The following WDR91 variants were observed in gnomAD, a reference collection of about 807,000 sequenced individuals.
WDR91 encodes WD repeat domain 91.
WDR91 carries 52 observed loss-of-function variants against 88.4 expected under a neutral mutation model. That is an observed-to-expected ratio of 0.59 (90% CI 0.47 to 0.74). The LOEUF is 0.74. Ranked by LOEUF, WDR91 falls within the 30% of genes least tolerant of loss-of-function variation. The pLI, the probability that WDR91 is intolerant of heterozygous loss-of-function variation, is 0.00. For missense variants in WDR91, 824 were observed against 954.5 expected (o/e 0.86, Z 1.80); for synonymous variants, 362 against 389.5 (o/e 0.93, Z 0.83).
In WDR91 at chr7:135,196,284, C is replaced by A. The variant is rs1258023705; in HGVS notation, c.1104G>T (p.Glu368Asp). The change falls in exon 8 of 15, where the codon GAG becomes GAT. Residue 368 changes from glutamate to aspartate, a missense_variant. Glu to Asp is a conservative substitution (Grantham distance 45). Transcript: ENST00000354475. The surrounding 1 kb of genome is among the most constrained non-coding windows in gnomAD (Gnocchi z 4.2). ...ASGPEAEPCP[E>D]LHTEPVEPLT... is the part of the protein sequence containing the mutation. The stretch of plus-strand genomic sequence containing the variant: ...GTGGCTCCACTGGCTCCGTGTGGAG[C>A]TCTGGGCAGGGCTCAGCCTCTGGGC... The A allele has an allele frequency of 4.8e-5, 77 of 1,608,496 alleles. No individual in the cohort carries two copies. The highest frequency in any genetic ancestry group is 6.5e-5 in the Non-Finnish European group (77 of 1,177,166).
chr7:135,190,010 A>G (rs964090782), intron 11 of WDR91, among the ~76,000 whole-genome samples: 9 of 152,272 alleles, frequency 5.9e-5, no homozygotes, highest in African/African-American at 1.9e-4. Flanking sequence ...GCAAGATAGA[A>G]TGTTATTTAA....
chr7:135,197,775 G>A, intron 7 of WDR91: 1 of 533,712 alleles, frequency 1.9e-6, no homozygotes, highest in South Asian at 3.1e-5. Context: ...GCATTTTCTG[G>A]CCCCTACTTA....
rs993607123 is a variant in WDR91, at chr7:135,185,867, C to A, written c.*284G>T. On this transcript the variant is annotated 3_prime_UTR_variant, in exon 15 of 15. Transcript: ENST00000354475. ...AATTTCTACTGGGCCAACACAGTAG[C>A]CACTGCAATGTTTCTCCTTCTTCCG... 8 of 413,454 alleles carry A rather than the reference C, an allele frequency of 1.9e-5. No individual in the cohort carries two copies. The highest frequency in any genetic ancestry group is 1.7e-4 in the African/African-American group (8 of 48,000). The allele number at this position is 413,454 out of a possible 1,614,324, so 25.6% of individuals were successfully genotyped here. A position where few individuals can be genotyped will look rare whatever the true frequency, so the allele number is the denominator to read the frequency against.
intron 4 of WDR91, among the ~76,000 whole-genome samples, 191 bp from the exon 5 acceptor site, chr7:135,206,249 A>C (rs1371740886): frequency 6.6e-6 from 1 of 152,220 alleles, no homozygotes; most frequent in Non-Finnish European, 1.5e-5. Context: ...CAATGAGGTG[A>C]GAAAACCAAA....
chr7:135,198,974 A>G (rs1192902807), intron 6 of WDR91: 3 of 152,184 alleles, frequency 2.0e-5, no homozygotes, highest in Non-Finnish European at 2.9e-5. Context: ...TGTGATGGCC[A>G]AACACCCTCA....
At chr7:135,197,217 T>G (rs1831407467) in intron 7 of WDR91, 1 of 152,196 alleles carries the variant, frequency 6.6e-6, no homozygotes, top group Non-Finnish European at 1.5e-5. Context: ...AAGTGCATCT[T>G]GAATCCTGAA....
Position 135,195,101 on chromosome 7 carries a change from G to C in WDR91, c.1245-17C>G. ...CAGTCCACTCTGAGATGAGAGAAAAGGGAGGCCTGTCAGCTGGCCTCTCAG... is the reference window on the plus strand; with the variant it reads ...CAGTCCACTCTGAGATGAGAGAAAACGGAGGCCTGTCAGCTGGCCTCTCAG... On this transcript the variant is annotated splice_polypyrimidine_tract_variant and intron_variant, in intron 8 of 14. Coordinates refer to ENST00000354475, the MANE Select transcript of WDR91 (RefSeq NM_014149.4). 1 of 1,608,630 alleles carries C rather than the reference G, an allele frequency of 6.2e-7. No individual in the cohort carries two copies. The highest frequency in any genetic ancestry group is 2.2e-5 in the East Asian group (1 of 44,780).
chr7:135,187,716 TAGCCTACCCTACGGAC>T (rs1243162400), intron 13 of WDR91, among the ~76,000 whole-genome samples: 1 of 152,196 alleles, frequency 6.6e-6, no homozygotes, highest in Non-Finnish European at 1.5e-5. Flanking sequence ...CATCATCCCT[TAGCCTACCCTACGGAC>T]AGGATACTTG....
chr7:135,193,199 G>T, intron 11 of WDR91, 32 bp downstream of exon 11: 1 of 1,609,248 alleles, frequency 6.2e-7, no homozygotes, highest in Non-Finnish European at 8.5e-7. Context: ...TGTGTGCCTG[G>T]CCCCAGAGAG....
At chr7:135,205,159 C>T (rs569521900) in intron 5 of WDR91, among the ~76,000 whole-genome samples, 36 of 152,234 alleles carry the variant, frequency 2.4e-4, no homozygotes, top group African/African-American at 8.4e-4. Flanking sequence ...CTGGCTGTTT[C>T]TGAAGGTCAA....
rs140576013 is a variant in WDR91 at position 135,211,415 on chromosome 7, C to A, written c.88G>T (p.Ala30Ser). 7,860 of 1,612,034 alleles carry A rather than the reference C, an allele frequency of 4.9e-3. 25 individuals carry two copies. Among genetic ancestry groups the A allele is most frequent in the Middle Eastern group, 6.1e-3 (37 of 6,058 alleles). ...TTCTCCTTGTCCGCCTTGATCTCGG[C>A]GTCCAGCTGCCGCAGTGTGTGCGTG... ...GFTHTLRQLD[A>S]EIKADKEKGF... Residue 30 changes from alanine to serine, a missense_variant, in exon 1 of 15, where the codon GCC becomes TCC. Physicochemically the swap from Ala to Ser is moderately conservative, Grantham distance 99. Transcript: ENST00000354475.
At chr7:135,186,835 G>A (rs891744296) in intron 14 of WDR91, 137 bp downstream of exon 14, 12 of 1,033,314 alleles carry the variant, frequency 1.2e-5, no homozygotes, top group East Asian at 2.4e-5. Context: ...GCTAGCCAGC[G>A]ATCCTTTGTC....
intron 14 of WDR91, 58 bp from the exon 15 acceptor site, chr7:135,186,373 A>C (rs1830943018): frequency 1.9e-6 from 3 of 1,562,510 alleles, no homozygotes; most frequent in African/African-American, 2.8e-5. Context: ...CACACACTTG[A>C]TCCACTTTCA....
In WDR91 at chr7:135,186,143, G is replaced by A; in HGVS notation, c.*8C>T. 1 of 1,581,798 alleles carries A rather than the reference G, an allele frequency of 6.3e-7. No individual in the cohort carries two copies. Among genetic ancestry groups the A allele is most frequent in the South Asian group, 1.2e-5 (1 of 86,604 alleles). On this transcript the variant is annotated 3_prime_UTR_variant, in exon 15 of 15. Transcript: ENST00000354475. ...ACTGCTTCCTCGGGTGGCCCTTGGG[G>A]CAAGTCATCAGGCTTTATGGGCCAG...
intron 1 of WDR91, 136 bp downstream of exon 1, chr7:135,211,244 T>C: frequency 7.4e-7 from 1 of 1,357,364 alleles, no homozygotes; most frequent in Non-Finnish European, 9.7e-7. Context: ...CAAGCTGGGG[T>C]CGGACGCGCT....
At chr7:135,206,912 C>A in intron 4 of WDR91, 1 of 313,762 alleles carries the variant, frequency 3.2e-6, no homozygotes, top group South Asian at 3.1e-5. Context: ...TGCTACATAT[C>A]TGACTTAAAA....
At chr7:135,188,780 C>A (rs1228684379) in intron 12 of WDR91, among the ~76,000 whole-genome samples, 1 of 152,154 alleles carries the variant, frequency 6.6e-6, no homozygotes, top group East Asian at 1.9e-4. Flanking sequence ...TCAGGAGTCC[C>A]TGGGGGGAGC....
chr7:135,195,862 G>A (rs766641749), intron 8 of WDR91, among the ~76,000 whole-genome samples: 2 of 151,984 alleles, frequency 1.3e-5, no homozygotes, highest in Non-Finnish European at 2.9e-5. Flanking sequence ...CACGAGAATC[G>A]CTTGAGCCTG....
intron 8 of WDR91, among the ~76,000 whole-genome samples, chr7:135,195,568 A>G (rs1433394318): frequency 6.6e-6 from 1 of 152,266 alleles, no homozygotes; most frequent in Non-Finnish European, 1.5e-5. Flanking sequence ...TAAAAGTACC[A>G]TCATAAAGCA....
Sources: allele counts gnomAD v4.1 joint callset (sites outside exome capture counted in the v4.1 genomes callset), GRCh38; gene constraint gnomAD v4.1.1; non-coding constraint Gnocchi (gnomAD v3.1); transcripts MANE v1.5; gene names NCBI Gene and HGNC (gene_info 2026-07-23, HGNC 2026-07-21).